Variants in RNF216 observed in about 807,000 individuals in gnomAD.
The protein encoded by RNF216 is E3 ubiquitin-protein ligase RNF216.
RNF216 carries 72 observed loss-of-function variants against 110.8 expected under a neutral mutation model. The observed-to-expected ratio is 0.65, with a 90% CI of 0.54 to 0.79. The LOEUF is 0.79. RNF216 is among the 30% of genes least tolerant of loss of function. RNF216 has a pLI of 0.00. For missense variants in RNF216, 1,342 were observed against 1,141.2 expected (o/e 1.18, Z -2.54); for synonymous variants, 495 against 407.5 (o/e 1.21, Z -2.59).
At chr7:5,646,171 T>C (rs1788036512) in intron 14 of RNF216, among the ~76,000 whole-genome samples, 1 of 152,224 alleles carries the variant, frequency 6.6e-6, no homozygotes, top group African/African-American at 2.4e-5. Context: ...AGGTTGCTTT[T>C]TGTATGGTTT....
chr7:5,720,992 A>T, intron 9 of RNF216, 41 bp downstream of exon 9: 2 of 1,604,256 alleles, frequency 1.2e-6, no homozygotes, highest in Non-Finnish European at 1.7e-6. Context: ...GCAAACCAGA[A>T]TCCCAGAAAC....
At chr7:5,671,327 A>C (rs991769680) in intron 13 of RNF216, among the ~76,000 whole-genome samples, 79 of 152,194 alleles carry the variant, frequency 5.2e-4, no homozygotes, top group African/African-American at 1.8e-3. Context: ...CACGTGCTAA[A>C]AAGACACATC....
chr7:5,741,512 T>C lies in RNF216; in HGVS notation c.505A>G (p.Ile169Val). Residue 169 changes from isoleucine (I) to valine (V), a missense_variant, in exon 4 of 17, where the codon ATT becomes GTT. Ile to Val is a conservative substitution (Grantham distance 29, BLOSUM62 3). Transcript: ENST00000389902. Reference protein sequence around the residue: ...GPSHNQAANDIVNPRSEQKVI... With the variant: ...GPSHNQAANDVVNPRSEQKVI... Reference sequence around the variant, plus strand: ...TTCTGCTCTGATCTGGGGTTGACAATGTCATTTGCTGCTTGGTTATGACTC... The same window carrying C: ...TTCTGCTCTGATCTGGGGTTGACAACGTCATTTGCTGCTTGGTTATGACTC... 6.2e-7 allele frequency: 1 copy of C among 1,614,220 alleles called. No homozygotes were observed. Among genetic ancestry groups the C allele is most frequent in the East Asian group, 2.2e-5 (1 of 44,888 alleles).
chr7:5,635,288 CACT>C (rs1562775164), intron 15 of RNF216, among the ~76,000 whole-genome samples: 8 of 148,384 alleles, frequency 5.4e-5, no homozygotes, highest in African/African-American at 2.0e-4. Context: ...CCACTAACTT[CACT>C]TTTTTTTTTT....
intron 3 of RNF216, among the ~76,000 whole-genome samples, chr7:5,743,881 T>C (rs921063870): frequency 3.3e-5 from 5 of 152,204 alleles, no homozygotes; most frequent in African/African-American, 1.2e-4. Context: ...ACTCCCTGAA[T>C]GTGAGGTGCT....
Position 5,639,462 on chromosome 7 carries a change from G to A in RNF216, c.2382+1692C>T, listed in dbSNP as rs540416202. On this transcript the variant is annotated intron_variant, in intron 15 of 16. Coordinates refer to ENST00000389902, the MANE Select transcript of RNF216 (RefSeq NM_207111.4). The stretch of plus-strand genomic sequence containing the variant: ...ATTACACCCATGAGCCACCACACAT[G>A]GCTCCACATTTTTTTTTTTGAGACA... Among the ~76,000 whole-genome samples, 25 of 151,954 alleles carry A rather than the reference G, an allele frequency of 1.6e-4. No homozygotes were observed. In the East Asian group the frequency reaches 2.5e-3, roughly 15 times the overall value.
chr7:5,692,624 C>CCA (rs765697567), intron 13 of RNF216, among the ~76,000 whole-genome samples: 45 of 152,218 alleles, frequency 3.0e-4, no homozygotes, highest in Non-Finnish European at 5.1e-4. Context: ...CCAGCTCCTT[C>CCA]CACACACCAC....
At chr7:5,659,383 G>A (rs1051106839) in intron 13 of RNF216, among the ~76,000 whole-genome samples, 3 of 152,112 alleles carry the variant, frequency 2.0e-5, no homozygotes, top group East Asian at 3.8e-4. Flanking sequence ...AGGAGGAGTC[G>A]GCCAGGTATG....
At chr7:5,770,688 C>T (rs944513006) in intron 1 of RNF216, among the ~76,000 whole-genome samples, 1 of 151,052 alleles carries the variant, frequency 6.6e-6, no homozygotes, top group African/African-American at 2.4e-5. Flanking sequence ...TGGAGAAAAA[C>T]AAAAGGAGGA....
intron 15 of RNF216, among the ~76,000 whole-genome samples, chr7:5,633,177 C>A (rs890098627): frequency 2.0e-5 from 3 of 151,854 alleles, no homozygotes; most frequent in Admixed American, 6.5e-5. Flanking sequence ...CGGGGTTTCA[C>A]CATATTGGCC....
intron 14 of RNF216, among the ~76,000 whole-genome samples, chr7:5,649,311 G>C (rs1422169269): frequency 2.6e-5 from 4 of 151,760 alleles, no homozygotes; most frequent in Non-Finnish European, 5.9e-5. Flanking sequence ...AGAGTCGCTT[G>C]AACCTGGGAG....
chr7:5,717,535 G>A (rs1584504112), intron 9 of RNF216, among the ~76,000 whole-genome samples: 1 of 152,130 alleles, frequency 6.6e-6, no homozygotes, highest in Non-Finnish European at 1.5e-5. Flanking sequence ...ATGCAACTGG[G>A]CAGAAACAGG....
intron 1 of RNF216, among the ~76,000 whole-genome samples, chr7:5,764,187 C>G (rs955323236): frequency 1.3e-5 from 2 of 148,620 alleles, no homozygotes; most frequent in African/African-American, 5.0e-5. Flanking sequence ...GAGCAAAACT[C>G]TATCTCAAAA....
intron 1 of RNF216, among the ~76,000 whole-genome samples, chr7:5,763,866 C>G (rs1259310409): frequency 6.6e-6 from 1 of 152,138 alleles, no homozygotes; most frequent in Non-Finnish European, 1.5e-5. Context: ...AACCACCAAG[C>G]CCAGCCTGTA....
At chr7:5,650,223 T>G (rs1245322435) in intron 14 of RNF216, among the ~76,000 whole-genome samples, 1 of 152,214 alleles carries the variant, frequency 6.6e-6, no homozygotes, top group Admixed American at 6.5e-5. Context: ...AGGCTGTTTT[T>G]GATTTTTGGA....
intron 3 of RNF216, among the ~76,000 whole-genome samples, chr7:5,748,956 T>TGTGTG (rs2128660895): frequency 6.6e-6 from 1 of 152,274 alleles, no homozygotes; most frequent in South Asian, 2.1e-4. Context: ...GCGTTATGTG[T>TGTGTG]GTGTGGTATT....
intron 13 of RNF216, among the ~76,000 whole-genome samples, chr7:5,660,374 C>T (rs984005762): frequency 1.5e-5 from 2 of 133,076 alleles, no homozygotes; most frequent in Non-Finnish European, 3.1e-5. Context: ...TCACTGCAAG[C>T]TCTGCCTCTT....
chr7:5,712,815 T>TG lies in RNF216; in HGVS notation c.1881dup (p.Ser628GlnfsTer2). On this transcript the variant is annotated frameshift_variant, in exon 12 of 17. Coordinates refer to ENST00000389902, the MANE Select transcript of RNF216 (RefSeq NM_207111.4). LOFTEE classifies it high-confidence loss of function. ...TGGGGGAGCACCTTCTCCAGCTCAC[T>TG]GGTTGGGAACGAACACGTGCAGCTG... 6.2e-7 allele frequency: 1 copy of TG among 1,614,014 alleles called. No homozygotes were observed. Among genetic ancestry groups the TG allele is most frequent in the Non-Finnish European group, 8.5e-7 (1 of 1,179,984 alleles).
At chr7:5,679,129 G>C (rs852399) in intron 13 of RNF216, among the ~76,000 whole-genome samples, 2,318 of 152,268 alleles carry the variant, frequency 0.015, 32 homozygotes, top group South Asian at 0.034. Flanking sequence ...AAACATCTTA[G>C]TTATCAAGTC....
Sources: allele counts gnomAD v4.1 joint callset (sites outside exome capture counted in the v4.1 genomes callset), GRCh38; gene constraint gnomAD v4.1.1; transcripts MANE v1.5; gene names NCBI Gene and HGNC (gene_info 2026-07-23, HGNC 2026-07-21).